The following FGD6 variants were observed in gnomAD, a reference collection of about 807,000 sequenced individuals.
FGD6 encodes the protein FYVE, RhoGEF and PH domain containing 6.
FGD6 carries 90 observed loss-of-function variants against 149.4 expected under a neutral mutation model. The ratio of observed to expected loss-of-function variants is 0.60; its 90% CI spans 0.51 to 0.72. The LOEUF (loss-of-function observed/expected upper bound fraction) is 0.72, where lower values mean the gene tolerates loss of function less well. Among genes scored for constraint, FGD6 ranks in the 30% least tolerant of loss-of-function variants. FGD6 has a pLI of 0.00. For synonymous variants in FGD6, 527 were observed against 584.0 expected (o/e 0.90, Z 1.41); for missense variants, 1,437 against 1,684.8 (o/e 0.85, Z 2.57).
At chr12:95,109,491 G>C (rs904921215) in intron 9 of FGD6, among the ~76,000 whole-genome samples, 1 of 152,074 alleles carries the variant, frequency 6.6e-6, no homozygotes, top group African/African-American at 2.4e-5. Context: ...GAGAAAAACT[G>C]GTAGAGTGTT....
chr12:95,149,265 T>TATTA (rs1491224470), intron 5 of FGD6, among the ~76,000 whole-genome samples: 3 of 8,630 alleles, frequency 3.5e-4, no homozygotes, highest in Non-Finnish European at 3.0e-4. Flanking sequence ...ATATTATATA[T>TATTA]TATATTACAT....
chr12:95,153,112 A>T, intron 3 of FGD6, 119 bp from the exon 4 acceptor site: 1 of 788,642 alleles, frequency 1.3e-6, no homozygotes, highest in Non-Finnish European at 2.1e-6. Context: ...CACACAGTTC[A>T]TACCATATAA....
chr12:95,155,879 A>T (rs1025962686), intron 3 of FGD6, among the ~76,000 whole-genome samples: 1 of 152,216 alleles, frequency 6.6e-6, no homozygotes, highest in Non-Finnish European at 1.5e-5. Context: ...ACGGACATTT[A>T]TTAGTTCCCC....
chr12:95,152,340 CAA>C (rs1880335885), intron 5 of FGD6, among the ~76,000 whole-genome samples: 1 of 151,240 alleles, frequency 6.6e-6, no homozygotes, highest in South Asian at 2.1e-4. Flanking sequence ...ATCAAAAAAA[CAA>C]AAAAAAGTTG....
intron 8 of FGD6, among the ~76,000 whole-genome samples, chr12:95,134,166 G>A (rs1753344559): frequency 3.3e-5 from 5 of 151,964 alleles, no homozygotes; most frequent in Admixed American, 3.3e-4. Flanking sequence ...AGGGGTCTAT[G>A]TTTCCCAGGA....
At chr12:95,149,986 T>C (rs1880250861) in intron 5 of FGD6, among the ~76,000 whole-genome samples, 1 of 125,026 alleles carries the variant, frequency 8.0e-6, no homozygotes, top group Admixed American at 8.9e-5. Flanking sequence ...CTATATATGC[T>C]ATATATTACA....
In FGD6 at chr12:95,113,719, A is replaced by C. The variant is rs1250292015; in HGVS notation, c.3083-18T>G. On this transcript the variant is annotated intron_variant, in intron 8 of 20. Transcript: ENST00000343958. Reference sequence around the variant, plus strand: ...CAAATAATCTAGAAAAGAAGAAAAAAAAGTATTTAAGTACAATAAACCAGT... The same window carrying C: ...CAAATAATCTAGAAAAGAAGAAAAACAAGTATTTAAGTACAATAAACCAGT... The C allele has an allele frequency of 6.5e-7, 1 of 1,530,440 alleles. No individual in the cohort carries two copies. Among genetic ancestry groups the C allele is most frequent in the Non-Finnish European group, 8.9e-7 (1 of 1,119,198 alleles). 94.8% of individuals were successfully genotyped at this position (1,530,440 alleles called of 1,614,324 possible). A position where few individuals can be genotyped will look rare whatever the true frequency, so the allele number is the denominator to read the frequency against.
chr12:95,078,984 A>C lies in FGD6; in HGVS notation c.*2536T>G, dbSNP rs1212578011. 6.6e-6 allele frequency: 1 copy of C among 152,220 alleles called. No individual in the cohort carries two copies. The highest frequency in any genetic ancestry group is 1.5e-5 in the Non-Finnish European group (1 of 68,038). 9.4% of individuals were successfully genotyped at this position (152,220 alleles called of 1,614,324 possible). The stretch of plus-strand genomic sequence containing the variant: ...TATCCTTGGAATCTAGATACTACTT[A>C]ACTTTTCTCCCCATTTATAGACTGT... On this transcript the variant is annotated 3_prime_UTR_variant, in exon 21 of 21. Transcript: ENST00000343958.
chr12:95,168,950 ATT>A (rs1231649587), intron 3 of FGD6, among the ~76,000 whole-genome samples: 1 of 152,254 alleles, frequency 6.6e-6, no homozygotes, highest in Admixed American at 6.5e-5. Context: ...AGAGAAGGGC[ATT>A]CACCAGGCTG....
At chr12:95,086,869 A>C (rs564436119) in intron 18 of FGD6, among the ~76,000 whole-genome samples, 7 of 107,414 alleles carry the variant, frequency 6.5e-5, no homozygotes, top group African/African-American at 2.7e-4. Context: ...TTTTTTTTTA[A>C]GACAGTCTCA....
intron 1 of FGD6, 104 bp downstream of exon 1, chr12:95,217,092 CGCTTGCCGAGGTGCTCGGCAAAGGTACGG>C: frequency 1.4e-6 from 2 of 1,392,070 alleles, no homozygotes; most frequent in Non-Finnish European, 2.0e-6. Flanking sequence ...ATTAGCTCCG[CGCTTGCCGAGGTGCTCGGCAAAGGTACGG>C]GGCACACAAC....
intron 3 of FGD6, among the ~76,000 whole-genome samples, chr12:95,166,276 G>A (rs896310985): frequency 1.3e-5 from 2 of 152,184 alleles, no homozygotes; most frequent in Non-Finnish European, 2.9e-5. Flanking sequence ...CTCAGCTAAT[G>A]AATAGGACTA....
chr12:95,113,956 A>G (rs1878921743), intron 8 of FGD6, among the ~76,000 whole-genome samples: 1 of 152,186 alleles, frequency 6.6e-6, no homozygotes, highest in Non-Finnish European at 1.5e-5. Context: ...TGAGCAAAGG[A>G]TCTCACCCAA....
intron 8 of FGD6, among the ~76,000 whole-genome samples, chr12:95,125,310 T>C (rs1254685964): frequency 1.3e-5 from 2 of 152,190 alleles, no homozygotes; most frequent in Non-Finnish European, 2.9e-5. Context: ...TTGCCTCATA[T>C]ACCCTAAACA....
intron 13 of FGD6, among the ~76,000 whole-genome samples, chr12:95,106,374 G>A (rs530177715): frequency 1.3e-5 from 2 of 150,606 alleles, no homozygotes; most frequent in South Asian, 4.2e-4. Flanking sequence ...AGGTTCAAGC[G>A]ATTCTCCTGC....
intron 2 of FGD6, among the ~76,000 whole-genome samples, chr12:95,198,156 T>G (rs904704573): frequency 5.3e-5 from 8 of 152,138 alleles, no homozygotes; most frequent in African/African-American, 1.9e-4. Flanking sequence ...AATAAAATAA[T>G]AGTGAAACCA....
intron 8 of FGD6, among the ~76,000 whole-genome samples, chr12:95,129,487 A>C (rs1314124946): frequency 6.6e-6 from 1 of 152,178 alleles, no homozygotes; most frequent in Non-Finnish European, 1.5e-5. Flanking sequence ...TATGCCTGAC[A>C]CTGGGATAGG....
chr12:95,098,428 G>A (rs2136236636), intron 14 of FGD6, among the ~76,000 whole-genome samples: 1 of 152,210 alleles, frequency 6.6e-6, no homozygotes, highest in Admixed American at 6.5e-5. Context: ...GTGGCTCTTA[G>A]GCTAAAGACC....
intron 2 of FGD6, among the ~76,000 whole-genome samples, chr12:95,173,396 C>A (rs1288083494): frequency 6.6e-6 from 1 of 152,154 alleles, no homozygotes; most frequent in Non-Finnish European, 1.5e-5. Flanking sequence ...GGGCACAGGG[C>A]CTAGCAAATA....
Sources: gnomAD v4.1 joint callset for allele counts (sites outside exome capture counted in the v4.1 genomes callset) on GRCh38, gnomAD v4.1.1 for gene constraint, MANE v1.5 for transcripts, NCBI Gene and HGNC (gene_info 2026-07-23, HGNC 2026-07-21) for gene names.